Variants in SEMA5A observed in about 807,000 individuals in gnomAD.
SEMA5A encodes semaphorin 5A, also known as semaphorin-5A.
A neutral mutation model predicts 135.5 loss-of-function variants in SEMA5A; 55 were observed. The ratio of observed to expected loss-of-function variants is 0.41; its 90% CI spans 0.33 to 0.51. SEMA5A has a LOEUF of 0.51. Among genes scored for constraint, SEMA5A ranks in the 20% least tolerant of loss-of-function variants. SEMA5A has a pLI of 0.37. For synonymous variants in SEMA5A, 580 were observed against 546.5 expected, an observed-to-expected ratio of 1.06 and a Z score of -0.85; for missense variants, 1,290 against 1,419.9, an observed-to-expected ratio of 0.91 and a Z score of 1.47.
intron 2 of SEMA5A, among the ~76,000 whole-genome samples, chr5:9,387,723 AAACTT>A (rs1464728253): frequency 3.9e-5 from 6 of 152,252 alleles, no homozygotes; most frequent in Admixed American, 1.3e-4. Flanking sequence ...ATAAAACAAT[AAACTT>A]AAGTTAATGC....
At chr5:9,333,213 G>A (rs1313378089) in intron 4 of SEMA5A, among the ~76,000 whole-genome samples, 7 of 152,166 alleles carry the variant, frequency 4.6e-5, no homozygotes, top group Admixed American at 4.6e-4. Flanking sequence ...CACCTAAATA[G>A]CCAGAAAGAG....
chr5:9,078,327 A>G (rs982439093), intron 16 of SEMA5A, among the ~76,000 whole-genome samples: 41 of 152,184 alleles, frequency 2.7e-4, no homozygotes, highest in African/African-American at 9.9e-4. Context: ...AAATGTTTAA[A>G]CATACTATAA....
intron 5 of SEMA5A, among the ~76,000 whole-genome samples, chr5:9,267,456 T>A (rs980954028): frequency 6.6e-6 from 1 of 152,186 alleles, no homozygotes; most frequent in East Asian, 1.9e-4. Context: ...CCCCATACCT[T>A]GTACTCTTTA....
intron 1 of SEMA5A, among the ~76,000 whole-genome samples, chr5:9,524,231 C>T (rs1330632340): frequency 6.6e-6 from 1 of 152,188 alleles, no homozygotes; most frequent in Non-Finnish European, 1.5e-5. Context: ...CCTGAGGCCT[C>T]CCCAGCCATG....
chr5:9,267,848 G>A (rs1466890119), intron 5 of SEMA5A, among the ~76,000 whole-genome samples: 1 of 152,060 alleles, frequency 6.6e-6, no homozygotes, highest in Admixed American at 6.5e-5. Context: ...ATTGGCAGCT[G>A]GGTACAAAGG....
intron 16 of SEMA5A, among the ~76,000 whole-genome samples, chr5:9,071,413 C>T (rs1737762481): frequency 6.6e-6 from 1 of 152,156 alleles, no homozygotes; most frequent in Non-Finnish European, 1.5e-5. Context: ...TCTGCATCCA[C>T]TAATAGACTG....
intron 3 of SEMA5A, among the ~76,000 whole-genome samples, chr5:9,352,710 T>C (rs1754182648): frequency 1.3e-5 from 2 of 152,214 alleles, no homozygotes; most frequent in Non-Finnish European, 2.9e-5. Flanking sequence ...TAAGTATTAG[T>C]CTCTAGGCTC....
chr5:9,362,353 T>C (rs1238517120), intron 3 of SEMA5A, among the ~76,000 whole-genome samples: 1 of 152,194 alleles, frequency 6.6e-6, no homozygotes, highest in Non-Finnish European at 1.5e-5. Context: ...ACGCTATTTT[T>C]TAAATGCCAT....
chr5:9,183,579 G>A (rs138700634), intron 11 of SEMA5A, among the ~76,000 whole-genome samples: 138 of 152,298 alleles, frequency 9.1e-4, no homozygotes, highest in African/African-American at 3.2e-3. Flanking sequence ...AATGGCCAAG[G>A]GTTCAGGGTC....
At position 9,506,959 on chromosome 5, in the gene SEMA5A, GTTTCT is replaced by G. The variant is rs887538332; in HGVS notation, c.-175+38620_-175+38624del. On this transcript the variant is annotated intron_variant, in intron 1 of 22. Transcript: ENST00000382496. ...CTTACTGAGTATTTATTGAAAGCTGGTTTCTTTTAAGTTTGCTACAACCAATACAA... is the reference window on the plus strand; with the variant it reads ...CTTACTGAGTATTTATTGAAAGCTGGTTTAAGTTTGCTACAACCAATACAA... Among the ~76,000 whole-genome samples, 6 of 148,980 alleles carry G rather than the reference GTTTCT, an allele frequency of 4.0e-5. No homozygotes were observed. In the East Asian group the frequency reaches 9.7e-4, roughly 24 times the overall value.
chr5:9,199,965 G>A (rs1745615605), intron 9 of SEMA5A, among the ~76,000 whole-genome samples: 1 of 152,186 alleles, frequency 6.6e-6, no homozygotes, highest in East Asian at 1.9e-4. Flanking sequence ...CGAATGTACA[G>A]AGGCAAAGCA....
In SEMA5A at chr5:9,104,533, T is replaced by C. The variant is rs536722669; in HGVS notation, c.2073+3607A>G. Among the ~76,000 whole-genome samples, 5 of 152,316 alleles carry C rather than the reference T, an allele frequency of 3.3e-5. No individual in the cohort carries two copies. In the South Asian group the frequency reaches 8.3e-4, roughly 25 times the overall value. ...ATATGACAGTGACAATCATTTCTATTTTATAAATGTCTATGTTAGACTTGG... is the reference window on the plus strand; with the variant it reads ...ATATGACAGTGACAATCATTTCTATCTTATAAATGTCTATGTTAGACTTGG... On this transcript the variant is annotated intron_variant, in intron 16 of 22. Transcript: ENST00000382496.
At chr5:9,308,316 C>G (rs1429927363) in intron 5 of SEMA5A, among the ~76,000 whole-genome samples, 1 of 152,112 alleles carries the variant, frequency 6.6e-6, no homozygotes, top group Non-Finnish European at 1.5e-5. Context: ...AGTTATGTCA[C>G]CAAACACTCC....
At chr5:9,182,989 C>T (rs944255397) in intron 11 of SEMA5A, among the ~76,000 whole-genome samples, 1 of 152,144 alleles carries the variant, frequency 6.6e-6, no homozygotes, top group African/African-American at 2.4e-5. Flanking sequence ...TCCCTGCCTG[C>T]ATCTGGAGCC....
At chr5:9,370,445 C>G (rs1755090480) in intron 3 of SEMA5A, among the ~76,000 whole-genome samples, 1 of 152,138 alleles carries the variant, frequency 6.6e-6, no homozygotes, top group Admixed American at 6.5e-5. Flanking sequence ...CAGCATGAGT[C>G]TGGCAGGCTC....
intron 4 of SEMA5A, among the ~76,000 whole-genome samples, chr5:9,329,270 G>A (rs1289271957): frequency 1.3e-5 from 2 of 152,036 alleles, no homozygotes; most frequent in African/African-American, 4.8e-5. Context: ...TTTTGTTTTG[G>A]GGCCAGAGAG....
intron 4 of SEMA5A, 80 bp downstream of exon 4, chr5:9,337,633 C>A: frequency 1.2e-6 from 1 of 845,128 alleles, no homozygotes; most frequent in Non-Finnish European, 2.0e-6. Flanking sequence ...TCAGTTTTGT[C>A]AGTGAAGGTC....
In SEMA5A at chr5:9,204,979, C is replaced by T. The variant is rs987323037; in HGVS notation, c.647-2739G>A. On this transcript the variant is annotated intron_variant, in intron 8 of 22. Coordinates refer to ENST00000382496, the MANE Select transcript of SEMA5A (RefSeq NM_003966.3). The surrounding 1 kb of genome is among the most constrained non-coding windows in gnomAD (Gnocchi z 6.4). The stretch of plus-strand genomic sequence containing the variant: ...AGAACAGTTTCATCCCTAAACCATC[C>T]CCTCTATCCTCCCTGCCACCCCCAG... Among the ~76,000 whole-genome samples the T allele has an allele frequency of 6.6e-6, 1 of 152,090 alleles. No homozygotes were observed. Among genetic ancestry groups the T allele is most frequent in the Admixed American group, 6.6e-5 (1 of 15,260 alleles).
chr5:9,408,654 G>A (rs149357714), intron 2 of SEMA5A, among the ~76,000 whole-genome samples: 3,723 of 152,096 alleles, frequency 0.024, 59 homozygotes, highest in Middle Eastern at 0.082. Context: ...ACAACACAAC[G>A]GTTACTATTA....
Sources: gnomAD v4.1 joint callset for allele counts (sites outside exome capture counted in the v4.1 genomes callset) on GRCh38, gnomAD v4.1.1 for gene constraint, Gnocchi (gnomAD v3.1) non-coding constraint, MANE v1.5 for transcripts, NCBI Gene and HGNC (gene_info 2026-07-23, HGNC 2026-07-21) for gene names.